Variants in PPP2R3B observed in about 807,000 individuals in gnomAD.
The protein encoded by PPP2R3B is serine/threonine-protein phosphatase 2A regulatory subunit B'' subunit beta.
PPP2R3B carries 68 observed loss-of-function variants against 72.9 expected under a neutral mutation model. That is an observed-to-expected ratio of 0.93 (90% CI 0.77 to 1.14). The LOEUF (loss-of-function observed/expected upper bound fraction) is 1.14. Ranked by LOEUF, PPP2R3B falls within the 50% of genes most tolerant of loss-of-function variation. PPP2R3B has a pLI of 0.00. For missense variants in PPP2R3B, 1,018 were observed against 842.0 expected (o/e 1.21, Z -2.59); for synonymous variants, 466 against 375.8 (o/e 1.24, Z -2.78).
At chrX:340,398 A>C (rs1444571348) in intron 10 of PPP2R3B, among the ~76,000 whole-genome samples, 4 of 151,296 alleles carry the variant, frequency 2.6e-5, no homozygotes, top group Non-Finnish European at 5.9e-5. Flanking sequence ...GGCCCTCCTC[A>C]CAAACTCAGT....
intron 12 of PPP2R3B, chrX:334,824 C>G: frequency 2.9e-6 from 1 of 341,454 alleles, no homozygotes; most frequent in Non-Finnish European, 5.3e-6. Context: ...CTGCACGGGA[C>G]CTGTGTTTAC....
At chrX:379,239 A>ATG (rs34596346) in intron 1 of PPP2R3B, among the ~76,000 whole-genome samples, 12 of 144,238 alleles carry the variant, frequency 8.3e-5, no homozygotes, top group Middle Eastern at 4.0e-3. Flanking sequence ...GTATGCACCT[A>ATG]TGTGTGTGTG....
chrX:359,956 C>T, intron 2 of PPP2R3B: 1 of 409,228 alleles, frequency 2.4e-6, no homozygotes, highest in East Asian at 7.7e-5. Context: ...TAAAACAAAA[C>T]TTTTTAAAAT....
intron 12 of PPP2R3B, 75 bp downstream of exon 12, chrX:338,529 C>CCCACTCACCCGTCCT: frequency 2.7e-6 from 1 of 372,922 alleles, no homozygotes; most frequent in African/African-American, 2.7e-5. Context: ...CACCCGTCCT[C>CCCACTCACCCGTCCT]CCACTCACCC....
At chrX:337,919 G>A (rs1359517512) in intron 12 of PPP2R3B, 3 of 154,566 alleles carry the variant, frequency 1.9e-5, no homozygotes, top group Non-Finnish European at 4.3e-5. Flanking sequence ...TACTCAAGAG[G>A]ACCCCAGACC....
intron 7 of PPP2R3B, 189 bp downstream of exon 7, chrX:345,327 A>G (rs750487813): frequency 5.4e-5 from 45 of 838,186 alleles, no homozygotes; most frequent in Non-Finnish European, 8.0e-5. Flanking sequence ...GCACGCGGGG[A>G]CCCAGACACG....
chrX:346,042 G>A (rs2071198894), intron 6 of PPP2R3B, 132 bp downstream of exon 6: 1 of 268,668 alleles, frequency 3.7e-6, no homozygotes, highest in Non-Finnish European at 7.2e-6. Context: ...GCGCGGTGGA[G>A]GTGGGGGTGG....
Position 386,462 on chromosome X carries a change from G to A in PPP2R3B, c.230C>T (p.Pro77Leu), listed in dbSNP as rs1016199430. The A allele has an allele frequency of 5.4e-6, 7 of 1,287,556 alleles. No homozygotes were observed. In the African/African-American group the frequency reaches 9.2e-5, roughly 17 times the overall value. 79.8% of individuals were successfully genotyped at this position (1,287,556 alleles called of 1,614,324 possible). The stretch of plus-strand genomic sequence containing the variant: ...CAGGGGCAGCGCAGGGCCCGGCCCG[G>A]GGGTTCCCGGGGGTTCGAGCCCGCT... ...RPSGLEPPGT[P>L]GPGPALPLGA... The change falls in exon 1 of 13, where the codon CCC becomes CTC. Residue 77 changes from proline to leucine, a missense_variant. Pro to Leu is a moderately conservative substitution (Grantham distance 98). Transcript: ENST00000390665.
intron 7 of PPP2R3B, chrX:345,073 G>T (rs1340190933): frequency 4.7e-6 from 2 of 429,972 alleles, no homozygotes; most frequent in Admixed American, 5.3e-5. Flanking sequence ...ACCGGCTCCC[G>T]CGGAGGTATA....
Position 384,299 on chromosome X carries a change from C to CACT in PPP2R3B, c.324+2068_324+2069insAGT, listed in dbSNP as rs1556284639. The stretch of plus-strand genomic sequence containing the variant: ...CTCTCTCTCTATATATATATATATA[C>CACT]TTTTTTTTTTTTTTTGAGACAGGGC... On this transcript the variant is annotated intron_variant, in intron 1 of 12. Coordinates refer to ENST00000390665, the MANE Select transcript of PPP2R3B (RefSeq NM_013239.5). Among the ~76,000 whole-genome samples, 371 of 133,856 alleles carry CACT rather than the reference C, an allele frequency of 2.8e-3. 1 individual carries two copies. Among genetic ancestry groups the CACT allele is most frequent in the African/African-American group, 9.9e-3 (359 of 36,342 alleles). The allele number at this position is 133,856 out of a possible 152,430, so 87.8% of individuals were successfully genotyped here.
In PPP2R3B at chrX:354,186, A is replaced by G. The variant is rs866906408; in HGVS notation, c.511-6493T>C. ...ACCCAGGGACTAGGGGCTCACCCAA[A>G]CACCGGGGGCTCACCCAGGGACCGG... On this transcript the variant is annotated intron_variant, in intron 2 of 12. Coordinates refer to ENST00000390665, the MANE Select transcript of PPP2R3B (RefSeq NM_013239.5). Among the ~76,000 whole-genome samples the G allele has an allele frequency of 1.4e-3, 184 of 132,560 alleles. 3 individuals are homozygous for G. The highest frequency in any genetic ancestry group is 4.8e-3 in the Middle Eastern group (1 of 210). The allele number at this position is 132,560 out of a possible 152,430, so 87.0% of individuals were successfully genotyped here. A position where few individuals can be genotyped will look rare whatever the true frequency, so the allele number is the denominator to read the frequency against.
intron 1 of PPP2R3B, among the ~76,000 whole-genome samples, chrX:380,493 C>T (rs1166068200): frequency 3.9e-5 from 6 of 152,122 alleles, no homozygotes; most frequent in East Asian, 1.9e-4. Flanking sequence ...CAATCAAAAT[C>T]GTGCAGTACT....
Position 338,877 on chromosome X carries a change from G to A in PPP2R3B, c.1371C>T (p.Asp457=), listed in dbSNP as rs760962450. ...PRTEGKITLQ[D]LKRCKLANVF... ...CGTTAGCCAGCTTGCAGCGCTTCAGGTCCTGCAGCGTGATCTTCCCTGCGG... is the reference window on the plus strand; with the variant it reads ...CGTTAGCCAGCTTGCAGCGCTTCAGATCCTGCAGCGTGATCTTCCCTGCGG... The change falls in exon 11 of 13, where the codon GAC becomes GAT. Residue 457 remains aspartate, a synonymous_variant. Coordinates refer to ENST00000390665, the MANE Select transcript of PPP2R3B (RefSeq NM_013239.5). 1.2e-6 allele frequency: 2 copies of A among 1,612,384 alleles called. No homozygotes were observed. The highest frequency in any genetic ancestry group is 4.5e-5 in the East Asian group (2 of 44,870).
intron 2 of PPP2R3B, among the ~76,000 whole-genome samples, chrX:351,817 C>T (rs985467270): frequency 7.2e-5 from 11 of 152,210 alleles, no homozygotes; most frequent in Non-Finnish European, 2.9e-5. Context: ...CCCACCTTAG[C>T]CTCCCAAGTA....
chrX:338,715 A>G lies in PPP2R3B; in HGVS notation c.1471-5T>C. ...GGGGCCGCCGCTGTCACCGTCCTGG[A>G]GGAAGCACACGGGTTACGTACACGG... On this transcript the variant is annotated splice_polypyrimidine_tract_variant and splice_region_variant and intron_variant, in intron 11 of 12. Coordinates refer to ENST00000390665, the MANE Select transcript of PPP2R3B (RefSeq NM_013239.5). 3.7e-6 allele frequency: 6 copies of G among 1,611,680 alleles called. No homozygotes were observed. Among genetic ancestry groups the G allele is most frequent in the Non-Finnish European group, 5.1e-6 (6 of 1,179,496 alleles).
At chrX:364,227 G>A (rs972214300) in intron 1 of PPP2R3B, among the ~76,000 whole-genome samples, 3 of 152,160 alleles carry the variant, frequency 2.0e-5, no homozygotes, top group Admixed American at 6.5e-5. Context: ...AATCCCCAGC[G>A]CGCCTCCGGC....
chrX:358,793 G>C (rs758913743), intron 2 of PPP2R3B, among the ~76,000 whole-genome samples: 29 of 151,652 alleles, frequency 1.9e-4, no homozygotes, highest in African/African-American at 3.1e-4. Context: ...ACCGCGGAGG[G>C]GGGGTGGCCG....
At chrX:369,376 A>T (rs2071805482) in intron 1 of PPP2R3B, among the ~76,000 whole-genome samples, 1 of 152,202 alleles carries the variant, frequency 6.6e-6, no homozygotes, top group Non-Finnish European at 1.5e-5. Context: ...TAAAGGCGAC[A>T]CCCTGACTCC....
In PPP2R3B at chrX:348,082, T is replaced by C. The variant is rs760556016; in HGVS notation, c.511-389A>G. Among the ~76,000 whole-genome samples the C allele has an allele frequency of 6.6e-5, 10 of 152,186 alleles. No homozygotes were observed. In the South Asian group the frequency reaches 1.5e-3, roughly 22 times the overall value. On this transcript the variant is annotated intron_variant, in intron 2 of 12. Transcript: ENST00000390665. ...GGCGACAGAAACATCTCATGGAATG[T>C]GTGGGACGCACCTACAGCAGCGACC... is the stretch of plus-strand genomic sequence containing the variant.
Sources: gnomAD v4.1 joint callset for allele counts (sites outside exome capture counted in the v4.1 genomes callset) on GRCh38, gnomAD v4.1.1 for gene constraint, MANE v1.5 for transcripts, NCBI Gene and HGNC (gene_info 2026-07-23, HGNC 2026-07-21) for gene names.